The following LRBA variants were observed in gnomAD, a reference collection of about 807,000 sequenced individuals.
The protein encoded by LRBA is lipopolysaccharide-responsive and beige-like anchor protein.
In LRBA, 176 loss-of-function variants were observed where a neutral mutation model predicts 330.0. The ratio of observed to expected loss-of-function variants is 0.53; its 90% CI spans 0.47 to 0.60. LRBA has a LOEUF of 0.60. LRBA is among the 20% of genes least tolerant of loss of function. The probability of loss-of-function intolerance (pLI) is 0.00; values close to 1 mark genes in which losing one functional copy is unlikely to be tolerated. For missense variants in LRBA, 3,259 were observed against 3,444.8 expected (o/e 0.95, Z 1.35); for synonymous variants, 1,230 against 1,193.0 (o/e 1.03, Z -0.64).
chr4:150,910,882 C>T (rs545930867), intron 9 of LRBA, among the ~76,000 whole-genome samples: 1 of 152,222 alleles, frequency 6.6e-6, no homozygotes, highest in South Asian at 2.1e-4. Flanking sequence ...TTGGTGGAGT[C>T]AGGGTACAGC....
intron 30 of LRBA, among the ~76,000 whole-genome samples, chr4:150,827,005 G>C (rs533768772): frequency 1.3e-4 from 20 of 152,334 alleles, no homozygotes; most frequent in African/African-American, 4.3e-4. Flanking sequence ...AATCATGAGA[G>C]ACTATAGATA....
chr4:150,670,354 T>C (rs925170792), intron 37 of LRBA, among the ~76,000 whole-genome samples: 1 of 152,234 alleles, frequency 6.6e-6, no homozygotes, highest in African/African-American at 2.4e-5. Context: ...GGGTTTTTAA[T>C]CTATTACTGT....
At chr4:150,837,628 G>A (rs1351859988) in intron 28 of LRBA, among the ~76,000 whole-genome samples, 1 of 151,652 alleles carries the variant, frequency 6.6e-6, no homozygotes, top group African/African-American at 2.4e-5. Context: ...GCCTTTTTTT[G>A]TTTTCCATTT....
At chr4:150,367,218 A>G (rs1339338224) in intron 47 of LRBA, among the ~76,000 whole-genome samples, 1 of 152,240 alleles carries the variant, frequency 6.6e-6, no homozygotes, top group Non-Finnish European at 1.5e-5. Context: ...TTGATTAGTT[A>G]CAGCACTTCC....
chr4:151,000,557 TAG>T (rs1743213399), intron 2 of LRBA, among the ~76,000 whole-genome samples: 1 of 152,144 alleles, frequency 6.6e-6, no homozygotes. Flanking sequence ...GGTAGTCACT[TAG>T]TAAAGTGACT....
intron 47 of LRBA, among the ~76,000 whole-genome samples, chr4:150,395,542 TACTC>T (rs1488409462): frequency 6.6e-6 from 1 of 152,184 alleles, no homozygotes; most frequent in Non-Finnish European, 1.5e-5. Flanking sequence ...TTGAGTCCGA[TACTC>T]ACACTGCCAT....
intron 26 of LRBA, among the ~76,000 whole-genome samples, chr4:150,846,412 C>A (rs1168365588): frequency 6.6e-6 from 1 of 151,914 alleles, no homozygotes; most frequent in Non-Finnish European, 1.5e-5. Context: ...CACCTGTAGT[C>A]CCAGCTACTC....
chr4:150,959,610 A>G (rs1399403082), intron 2 of LRBA, among the ~76,000 whole-genome samples: 1 of 149,276 alleles, frequency 6.7e-6, no homozygotes, highest in East Asian at 1.9e-4. Context: ...TTTAATTCAT[A>G]ATATTTCAAA....
chr4:150,328,886 T>A (rs1043889596), intron 48 of LRBA, among the ~76,000 whole-genome samples: 8 of 152,204 alleles, frequency 5.3e-5, no homozygotes, highest in Admixed American at 1.3e-4. Flanking sequence ...TTATTATAGA[T>A]ACAAATTTAA....
intron 37 of LRBA, among the ~76,000 whole-genome samples, chr4:150,649,368 C>T (rs551109726): frequency 1.6e-4 from 25 of 152,310 alleles, no homozygotes; most frequent in South Asian, 6.2e-4. Context: ...ACATACCACT[C>T]GTTCTAGATG....
chr4:150,542,911 T>TG (rs1224073000), intron 40 of LRBA, among the ~76,000 whole-genome samples: 1 of 152,154 alleles, frequency 6.6e-6, no homozygotes, highest in African/African-American at 2.4e-5. Context: ...TTAGATAGTC[T>TG]GGTGGTACTA....
chr4:150,710,417 T>A (rs746181905), intron 36 of LRBA, among the ~76,000 whole-genome samples: 2 of 152,036 alleles, frequency 1.3e-5, no homozygotes, highest in South Asian at 2.1e-4. Context: ...TACAGTGGTA[T>A]CACACAGGTT....
At chr4:150,291,935 A>G (rs961686761) in intron 53 of LRBA, among the ~76,000 whole-genome samples, 3 of 152,224 alleles carry the variant, frequency 2.0e-5, no homozygotes, top group Non-Finnish European at 4.4e-5. Context: ...GACATGGATA[A>G]AATTGGAAGT....
At chr4:150,419,391 G>C (rs1407058110) in intron 46 of LRBA, among the ~76,000 whole-genome samples, 1 of 152,004 alleles carries the variant, frequency 6.6e-6, no homozygotes, top group African/African-American at 2.4e-5. Context: ...AGAAAACGAT[G>C]GACTAAAGAT....
At chr4:150,832,627 AAAC>A (rs1329756225) in intron 28 of LRBA, among the ~76,000 whole-genome samples, 3 of 152,198 alleles carry the variant, frequency 2.0e-5, no homozygotes, top group African/African-American at 7.2e-5. Context: ...ATAAATAAAT[AAAC>A]AATGATATGA....
chr4:150,730,968 A>T (rs1730376928), intron 36 of LRBA, among the ~76,000 whole-genome samples: 1 of 152,188 alleles, frequency 6.6e-6, no homozygotes, highest in Non-Finnish European at 1.5e-5. Flanking sequence ...CAGTGAGCCA[A>T]GATCATGTCA....
At position 150,406,249 on chromosome 4, in the gene LRBA, T is replaced by A. The variant is rs569653226; in HGVS notation, c.7194+9189A>T. On this transcript the variant is annotated intron_variant, in intron 47 of 56. Transcript: ENST00000651943. ...TAATTAATAAAATGGTAGACATGAATCCAACTATTATAGAACTCTCTACTA... is the reference window on the plus strand; with the variant it reads ...TAATTAATAAAATGGTAGACATGAAACCAACTATTATAGAACTCTCTACTA... Among the ~76,000 whole-genome samples the A allele has an allele frequency of 2.2e-4, 34 of 152,224 alleles. No individual in the cohort carries two copies. In the South Asian group the frequency reaches 6.8e-3, roughly 31 times the overall value.
In LRBA at chr4:150,806,274, T is replaced by G. The variant is rs767120313; in HGVS notation, c.5515A>C (p.Thr1839Pro). 6.4e-7 allele frequency: 1 copy of G among 1,566,448 alleles called. No homozygotes were observed. Among genetic ancestry groups the G allele is most frequent in the Non-Finnish European group, 8.6e-7 (1 of 1,161,350 alleles). Residue 1839 changes from threonine to proline, a missense_variant, in exon 33 of 57, where the codon ACA (threonine) becomes CCA (proline). Thr to Pro is a conservative substitution (Grantham distance 38). Coordinates refer to ENST00000651943, the MANE Select transcript of LRBA (RefSeq NM_001364905.1). ...SHGQELLIEG[T>P]SLVCMKSSSS... ...AAAATAAAGAAAAACCACTTACTTG[T>G]TCCTTCTATAAGCAGTTCTTGTCCA... is the stretch of plus-strand genomic sequence containing the variant.
At chr4:150,584,623 T>C (rs1385287501) in intron 40 of LRBA, 1 of 167,070 alleles carries the variant, frequency 6.0e-6, no homozygotes. Context: ...CTCCTCCCTC[T>C]CCTGAACCTC....
Sources: gnomAD v4.1 joint callset for allele counts (sites outside exome capture counted in the v4.1 genomes callset) on GRCh38, gnomAD v4.1.1 for gene constraint, MANE v1.5 for transcripts, NCBI Gene and HGNC (gene_info 2026-07-23, HGNC 2026-07-21) for gene names.